The following USP12 variants were observed in gnomAD, a reference collection of about 807,000 sequenced individuals.
USP12 encodes the protein ubiquitin specific peptidase 12, also known as ubiquitin carboxyl-terminal hydrolase 12.
In USP12, 19 loss-of-function variants were observed where a neutral mutation model predicts 45.5. The observed-to-expected ratio is 0.42, with a 90% CI of 0.29 to 0.61. USP12 has a LOEUF of 0.61. Among genes scored for constraint, USP12 ranks in the 20% least tolerant of loss-of-function variants. USP12 has a pLI of 0.22. For synonymous variants in USP12, 149 were observed against 148.8 expected, an observed-to-expected ratio of 1.00 and a Z score of -0.01; for missense variants, 242 against 447.7, an observed-to-expected ratio of 0.54 and a Z score of 4.15.
At chr13:27,118,305 T>A (rs1875837493) in intron 1 of USP12, among the ~76,000 whole-genome samples, 1 of 152,204 alleles carries the variant, frequency 6.6e-6, no homozygotes, top group African/African-American at 2.4e-5. Context: ...ACGTTTCTTC[T>A]ATTATCTTCC....
At chr13:27,106,492 T>C (rs1875144561) in intron 2 of USP12, among the ~76,000 whole-genome samples, 1 of 152,182 alleles carries the variant, frequency 6.6e-6, no homozygotes, top group South Asian at 2.1e-4. Flanking sequence ...TTCCCTTCCA[T>C]TAATAAACAC....
chr13:27,075,649 G>A (rs1256561705), intron 6 of USP12, among the ~76,000 whole-genome samples: 1 of 152,130 alleles, frequency 6.6e-6, no homozygotes, highest in African/African-American at 2.4e-5. Flanking sequence ...AAAACAGATG[G>A]AATGGCGTTA....
chr13:27,153,617 C>T (rs944220877), intron 1 of USP12, among the ~76,000 whole-genome samples: 4 of 152,080 alleles, frequency 2.6e-5, no homozygotes, highest in South Asian at 4.1e-4. Context: ...CAACCTTTCC[C>T]CTTCCACAAG....
chr13:27,116,088 G>A (rs762439195), intron 2 of USP12, among the ~76,000 whole-genome samples: 4 of 152,090 alleles, frequency 2.6e-5, no homozygotes, highest in East Asian at 3.9e-4. Flanking sequence ...TGAGGTTGGC[G>A]GATCATGAGG....
intron 1 of USP12, among the ~76,000 whole-genome samples, chr13:27,131,085 T>C (rs1876477953): frequency 1.3e-5 from 2 of 152,240 alleles, no homozygotes; most frequent in Non-Finnish European, 1.5e-5. Flanking sequence ...AAAATTCATT[T>C]TTTAAAATAA....
chr13:27,074,315 G>A (rs888796529), intron 7 of USP12, among the ~76,000 whole-genome samples: 4 of 152,066 alleles, frequency 2.6e-5, no homozygotes, highest in Admixed American at 1.3e-4. Context: ...CAGGAGAATG[G>A]CGTGAACCCG....
chr13:27,099,470 A>G (rs1874760418), intron 3 of USP12, among the ~76,000 whole-genome samples: 1 of 151,824 alleles, frequency 6.6e-6, no homozygotes, highest in South Asian at 2.1e-4. Context: ...TACTTCCCAA[A>G]CCCTTTCAAT....
intron 3 of USP12, among the ~76,000 whole-genome samples, chr13:27,100,666 C>T (rs1011314475): frequency 3.3e-5 from 5 of 152,148 alleles, no homozygotes; most frequent in African/African-American, 7.2e-5. Flanking sequence ...CACCCATTTC[C>T]GGGTCACAAA....
At chr13:27,156,216 A>G (rs1235021145) in intron 1 of USP12, among the ~76,000 whole-genome samples, 1 of 26,076 alleles carries the variant, frequency 3.8e-5, no homozygotes, top group Non-Finnish European at 1.1e-4. Context: ...CAACTCCTGC[A>G]AGGAAAAAAA....
chr13:27,083,547 T>C (rs747852183), intron 6 of USP12, among the ~76,000 whole-genome samples: 8 of 152,164 alleles, frequency 5.3e-5, no homozygotes, highest in Non-Finnish European at 7.3e-5. Context: ...CTCTCACCTA[T>C]ATGCTTTAAC....
chr13:27,129,438 C>T lies in USP12; in HGVS notation c.49-12842G>A, dbSNP rs149388095. ...ATGACAGTGTCACTCTAAAGCTATG[C>T]GTAGGCCAGGTGCAGTGGTTCATGC... is the stretch of plus-strand genomic sequence containing the variant. On this transcript the variant is annotated intron_variant, in intron 1 of 8. Coordinates refer to ENST00000282344, the MANE Select transcript of USP12 (RefSeq NM_182488.4). This position sits in a 1 kb window ranked among gnomAD's most constrained non-coding sequence, Gnocchi z 4.0. 9.3e-4 allele frequency among the ~76,000 whole-genome samples: 141 copies of T among 152,306 alleles called. No homozygotes were observed. Among genetic ancestry groups the T allele is most frequent in the African/African-American group, 3.2e-3 (135 of 41,574 alleles).
chr13:27,087,762 T>C (rs1186527772), intron 6 of USP12, among the ~76,000 whole-genome samples: 1 of 152,164 alleles, frequency 6.6e-6, no homozygotes, highest in Non-Finnish European at 1.5e-5. Context: ...TACTGGAGAA[T>C]GACTGGGCAC....
At chr13:27,122,012 A>G (rs1453781523) in intron 1 of USP12, among the ~76,000 whole-genome samples, 1 of 152,064 alleles carries the variant, frequency 6.6e-6, no homozygotes, top group Admixed American at 6.5e-5. Context: ...TCAAAATATA[A>G]AAGTTGGAAA....
At chr13:27,103,607 A>AAAAAATAATAAT (rs372985958) in intron 3 of USP12, among the ~76,000 whole-genome samples, 55 of 128,510 alleles carry the variant, frequency 4.3e-4, no homozygotes, top group African/African-American at 1.4e-3. Flanking sequence ...TCAAAAAAAA[A>AAAAAATAATAAT]AATAATAATA....
chr13:27,143,099 G>GAA (rs55973953), intron 1 of USP12, among the ~76,000 whole-genome samples: 739 of 143,312 alleles, frequency 5.2e-3, no homozygotes, highest in African/African-American at 6.5e-3. Context: ...CTCAAAAAAA[G>GAA]AAAAAAAAAA....
chr13:27,143,530 A>G (rs1171578499), intron 1 of USP12, among the ~76,000 whole-genome samples: 2 of 152,322 alleles, frequency 1.3e-5, no homozygotes, highest in African/African-American at 2.4e-5. Context: ...CTAATCATCA[A>G]TGGGTGTGCT....
chr13:27,125,983 G>A (rs376912289), intron 1 of USP12, among the ~76,000 whole-genome samples: 14 of 152,380 alleles, frequency 9.2e-5, no homozygotes, highest in East Asian at 7.7e-4. Flanking sequence ...TGAACTGGGC[G>A]GAGCCCACCA....
chr13:27,126,473 G>A (rs1452680945), intron 1 of USP12, among the ~76,000 whole-genome samples: 1 of 152,178 alleles, frequency 6.6e-6, no homozygotes, highest in Non-Finnish European at 1.5e-5. Flanking sequence ...TTCTTTAGGG[G>A]TATTTTCATT....
Position 27,116,586 on chromosome 13 carries a change from G to C in USP12, c.59C>G (p.Ala20Gly). ...ACCAATCTCTTTCTCTAATGCCGAAGCATTGGCGCCCTATAAAATGAAAAA... is the reference window on the plus strand; with the variant it reads ...ACCAATCTCTTTCTCTAATGCCGAACCATTGGCGCCCTATAAAATGAAAAA... ...FASICTMGAN[A>G]SALEKEIGPE... Residue 20 changes from alanine (A) to glycine (G), a missense_variant, in exon 2 of 9, where the codon GCT becomes GGT. This residue lies in a region of USP12 where 77 missense variants were observed against 153.7 expected (regional missense o/e 0.50). Coordinates refer to ENST00000282344, the MANE Select transcript of USP12 (RefSeq NM_182488.4). 6.2e-7 allele frequency: 1 copy of C among 1,612,080 alleles called. No individual in the cohort carries two copies. The highest frequency in any genetic ancestry group is 1.1e-5 in the South Asian group (1 of 90,906).
Sources: allele counts gnomAD v4.1 joint callset (sites outside exome capture counted in the v4.1 genomes callset), GRCh38; gene constraint gnomAD v4.1.1; regional missense constraint gnomAD v4.1.1; non-coding constraint Gnocchi (gnomAD v3.1); transcripts MANE v1.5; gene names NCBI Gene and HGNC (gene_info 2026-07-23, HGNC 2026-07-21).